CEP290: variants seen among roughly 807,000 people sequenced by gnomAD.
CEP290 encodes centrosomal protein 290, also known as centrosomal protein of 290 kDa.
Under a neutral mutation model 344.9 loss-of-function variants are expected in CEP290, and 317 were observed. The observed-to-expected ratio is 0.92, with a 90% confidence interval of 0.84 to 1.01. CEP290 has a LOEUF of 1.01. Among genes scored for constraint, CEP290 ranks in the 50% least tolerant of loss-of-function variants. The pLI, the probability that CEP290 is intolerant of heterozygous loss-of-function variation, is 0.00. For synonymous variants in CEP290, 932 were observed against 895.8 expected (o/e 1.04, Z -0.72); for missense variants, 2,754 against 2,761.4 (o/e 1.00, Z 0.06).
At chr12:88,138,640 C>T (rs2468221) in intron 5 of CEP290, among the ~76,000 whole-genome samples, 134,089 of 152,134 alleles carry the variant, frequency 0.88, 59,973 homozygotes, top group East Asian at 0.99. Context: ...ACATAAAAGC[C>T]TCTATACACA....
At chr12:88,126,979 T>A (rs2039770239) in intron 11 of CEP290, among the ~76,000 whole-genome samples, 1 of 151,982 alleles carries the variant, frequency 6.6e-6, no homozygotes, top group South Asian at 2.1e-4. Context: ...TAATTCACAT[T>A]AAAAATATTC....
At chr12:88,062,995 C>T (rs143500061) in intron 45 of CEP290, among the ~76,000 whole-genome samples, 213 of 152,002 alleles carry the variant, frequency 1.4e-3, no homozygotes, top group African/African-American at 4.7e-3. Flanking sequence ...ACATTATTGC[C>T]TGATGCAATA....
At chr12:88,079,663 C>T (rs2036046421) in intron 38 of CEP290, among the ~76,000 whole-genome samples, 1 of 152,066 alleles carries the variant, frequency 6.6e-6, no homozygotes, top group Admixed American at 6.6e-5. Context: ...AAAACACCAG[C>T]ATCTTCTAAA....
chr12:88,077,442 T>C lies in CEP290; in HGVS notation c.5587-98A>G, dbSNP rs7960861. The C allele has an allele frequency of 0.013, 10,842 of 828,552 alleles. 867 individuals carry two copies. In the African/African-American group the frequency reaches 0.17, roughly 13 times the overall value. 51.3% of individuals were successfully genotyped at this position (828,552 alleles called of 1,614,324 possible). A position where few individuals can be genotyped will look rare whatever the true frequency, so the allele number is the denominator to read the frequency against. ...ATATAATAGCAACTTTCTGAAGCTATCACTGACCATACTTTCTAAATGACA... is the reference window on the plus strand; with the variant it reads ...ATATAATAGCAACTTTCTGAAGCTACCACTGACCATACTTTCTAAATGACA... On this transcript the variant is annotated intron_variant, in intron 40 of 53. Transcript: ENST00000552810.
chr12:88,104,816 AT>A (rs1345370711), intron 25 of CEP290, among the ~76,000 whole-genome samples: 4 of 152,078 alleles, frequency 2.6e-5, no homozygotes, highest in Non-Finnish European at 2.9e-5. Context: ...AAATTATTGT[AT>A]GTATATTGTA....
intron 26 of CEP290, among the ~76,000 whole-genome samples, chr12:88,097,579 A>G (rs1040098082): frequency 7.0e-6 from 1 of 143,452 alleles, no homozygotes; most frequent in Non-Finnish European, 1.5e-5. Flanking sequence ...TAATACACAT[A>G]CATACATATA....
At chr12:88,082,794 G>A (rs2137146545) in intron 37 of CEP290, among the ~76,000 whole-genome samples, 2 of 152,304 alleles carry the variant, frequency 1.3e-5, no homozygotes, top group South Asian at 2.1e-4. Flanking sequence ...AGACTGACTA[G>A]TTTCAAATTA....
Position 88,130,726 on chromosome 12 carries a change from A to G in CEP290, c.496-161T>C, listed in dbSNP as rs967947208. The stretch of plus-strand genomic sequence containing the variant: ...ATACTAATTATCTACCAAAACAAAT[A>G]ATATTTCAATTATGTTAGAAACTTA... On this transcript the variant is annotated intron_variant, in intron 7 of 53. Transcript: ENST00000552810. Among the ~76,000 whole-genome samples, 20 of 152,146 alleles carry G rather than the reference A, an allele frequency of 1.3e-4. 1 individual carries two copies. The highest frequency in any genetic ancestry group is 4.8e-4 in the African/African-American group (20 of 41,472).
chr12:88,116,152 C>A (rs946073497), intron 18 of CEP290: 9 of 682,564 alleles, frequency 1.3e-5, no homozygotes, highest in Middle Eastern at 1.5e-3. Context: ...CTAGTCTTCT[C>A]TAGTGCTTGA....
chr12:88,106,710 C>G lies in CEP290; in HGVS notation c.2782G>C (p.Val928Leu). The change falls in exon 25 of 54, where the codon GTT becomes CTT. Residue 928 changes from valine to leucine, a missense_variant. Val to Leu is a conservative substitution (Grantham distance 32). Coordinates refer to ENST00000552810, the MANE Select transcript of CEP290 (RefSeq NM_025114.4). Reference protein sequence around the residue: ...KNELLSMEAEVCEKIGCLQRF... With the variant: ...KNELLSMEAELCEKIGCLQRF... ...TGCAAACACCCAATTTTTTCACAAA[C>G]TTCAGCCTCCATTGACAACAATTCA... 6.2e-7 allele frequency: 1 copy of G among 1,609,664 alleles called. No individual in the cohort carries two copies. The highest frequency in any genetic ancestry group is 8.5e-7 in the Non-Finnish European group (1 of 1,178,526).
rs572865168 is a variant in CEP290, at chr12:88,137,952, C to T, written c.298-1166G>A. Among the ~76,000 whole-genome samples the T allele has an allele frequency of 2.0e-4, 31 of 152,258 alleles. No homozygotes were observed. In the South Asian group the frequency reaches 2.7e-3, roughly 13 times the overall value. ...CAAGCCACCAACCTTCCAGTAACTC[C>T]GCAAAATGCACTGGGAATTTAAGCA... On this transcript the variant is annotated intron_variant, in intron 5 of 53. Coordinates refer to ENST00000552810, the MANE Select transcript of CEP290 (RefSeq NM_025114.4).
chr12:88,097,096 A>G, intron 26 of CEP290, 97 bp from the exon 27 acceptor site: 1 of 663,910 alleles, frequency 1.5e-6, no homozygotes. Context: ...TCTCCTTAAA[A>G]CTCACAATCC....
chr12:88,075,054 C>A (rs929495131), intron 41 of CEP290, among the ~76,000 whole-genome samples: 1 of 152,146 alleles, frequency 6.6e-6, no homozygotes, highest in African/African-American at 2.4e-5. Context: ...GTCACGGAGG[C>A]CTGGACTTGT....
At chr12:88,063,170 G>A (rs542500287) in intron 45 of CEP290, among the ~76,000 whole-genome samples, 88 of 144,106 alleles carry the variant, frequency 6.1e-4, no homozygotes, top group African/African-American at 9.6e-4. Flanking sequence ...AAAAAAGTGC[G>A]AAAAAATGGC....
At chr12:88,122,265 C>T (rs1311534265) in intron 13 of CEP290, among the ~76,000 whole-genome samples, 1 of 152,064 alleles carries the variant, frequency 6.6e-6, no homozygotes, top group African/African-American at 2.4e-5. Flanking sequence ...ACAATAAACA[C>T]TATATTTACC....
At chr12:88,070,175 A>C (rs1393469497) in intron 43 of CEP290, among the ~76,000 whole-genome samples, 1 of 152,194 alleles carries the variant, frequency 6.6e-6, no homozygotes, top group Non-Finnish European at 1.5e-5. Flanking sequence ...TTCCAGGTAC[A>C]ATGGAGTAAA....
In CEP290 at chr12:88,071,364, C is replaced by A. The variant is rs767426153; in HGVS notation, c.5941G>T (p.Glu1981Ter). The change falls in exon 43 of 54, where the codon GAG becomes TAG. Residue 1981 changes from glutamate (E) to a stop codon, truncating the protein, a stop_gained. Transcript: ENST00000552810. LOFTEE classifies it high-confidence loss of function. ...AATTCTTCCAATTCTTTTTCTGACTCCAAAGCTCGTATTCCCAAAACCTGA... is the reference window on the plus strand; with the variant it reads ...AATTCTTCCAATTCTTTTTCTGACTACAAAGCTCGTATTCCCAAAACCTGA... The part of the protein sequence containing the change: ...VDQVLGIRAL[E>*]SEKELEELKK... 20 of 1,610,618 alleles carry A rather than the reference C, an allele frequency of 1.2e-5. No homozygotes were observed. The highest frequency in any genetic ancestry group is 1.7e-5 in the Non-Finnish European group (20 of 1,177,646).
rs756894456 is a variant in CEP290 at position 88,111,784 on chromosome 12, G to A, written c.2127C>T (p.Thr709=). The A allele has an allele frequency of 1.1e-5, 17 of 1,605,684 alleles. 1 individual carries two copies. The highest frequency in any genetic ancestry group is 5.6e-5 in the South Asian group (5 of 89,548). The change falls in exon 21 of 54, where the codon ACC becomes ACT. Residue 709 remains threonine, a synonymous_variant. Coordinates refer to ENST00000552810, the MANE Select transcript of CEP290 (RefSeq NM_025114.4). ...CCTGTCTTAATTCTTCATTTCTTCC[G>A]GTAAGCTGATCAACTTGGGCTTTCA... is the stretch of plus-strand genomic sequence containing the variant. The part of the protein sequence containing the change: ...LHLKAQVDQL[T]GRNEELRQEL...
intron 13 of CEP290, among the ~76,000 whole-genome samples, chr12:88,122,811 T>C (rs2039490087): frequency 6.6e-6 from 1 of 152,142 alleles, no homozygotes; most frequent in African/African-American, 2.4e-5. Flanking sequence ...ATATATATCG[T>C]GGGCTCTTGA....
Sources: gnomAD v4.1 joint callset for allele counts (sites outside exome capture counted in the v4.1 genomes callset) on GRCh38, gnomAD v4.1.1 for gene constraint, MANE v1.5 for transcripts, NCBI Gene and HGNC (gene_info 2026-07-23, HGNC 2026-07-21) for gene names.